Variants in SLC24A2 observed in about 807,000 individuals in gnomAD.
The protein encoded by SLC24A2 is solute carrier family 24 member 2, also known as sodium/potassium/calcium exchanger 2.
Under a neutral mutation model 62.0 loss-of-function variants are expected in SLC24A2, and 36 were observed. The observed-to-expected ratio is 0.58, with a 90% CI of 0.44 to 0.77. The LOEUF is 0.77. SLC24A2 is among the 30% of genes least tolerant of loss of function. The pLI, the probability that SLC24A2 is intolerant of heterozygous loss-of-function variation, is 0.00. For missense variants in SLC24A2, 846 were observed against 817.9 expected (o/e 1.03, Z -0.42); for synonymous variants, 358 against 294.0 (o/e 1.22, Z -2.23).
chr9:20,238,384 G>A, the SLC24A2 span, among the ~76,000 whole-genome samples: 1 of 152,174 alleles, frequency 6.6e-6, no homozygotes, highest in Non-Finnish European at 1.5e-5. Flanking sequence ...GCCATCTGCA[G>A]CAACATTTAA....
chr9:19,756,333 A>C (rs1822139645), intron 2 of SLC24A2, among the ~76,000 whole-genome samples: 1 of 152,226 alleles, frequency 6.6e-6, no homozygotes, highest in Non-Finnish European at 1.5e-5. Context: ...AATGGCAAGA[A>C]AGAAAATAAA....
chr9:19,681,011 A>G (rs1002441978), intron 2 of SLC24A2, among the ~76,000 whole-genome samples: 1 of 151,954 alleles, frequency 6.6e-6, no homozygotes. Context: ...CTTGTTCTCA[A>G]CACAGCAGCC....
chr9:19,942,840 G>A, the SLC24A2 span, among the ~76,000 whole-genome samples: 4 of 152,128 alleles, frequency 2.6e-5, no homozygotes. Context: ...GATGTTTATT[G>A]TGTAGCCTAC....
In SLC24A2 at chr9:19,603,723, C is replaced by T. The variant is rs771032818; in HGVS notation, c.1079-6444G>A. Among the ~76,000 whole-genome samples the T allele has an allele frequency of 3.9e-5, 6 of 152,302 alleles. 1 individual carries two copies. In the South Asian group the frequency reaches 1.2e-3, roughly 32 times the overall value. ...CTTACCACCTGTCTACCCCCAGCAC[C>T]TTTCACCTATCTTTCTCATCATTAT... On this transcript the variant is annotated intron_variant, in intron 4 of 10. Coordinates refer to ENST00000341998, the MANE Select transcript of SLC24A2 (RefSeq NM_020344.4).
At chr9:20,227,784 G>A in the SLC24A2 span, among the ~76,000 whole-genome samples, 3 of 152,092 alleles carry the variant, frequency 2.0e-5, no homozygotes, top group African/African-American at 7.2e-5. Flanking sequence ...TGTCTATTGG[G>A]ATAATTGCCA....
intron 8 of SLC24A2, among the ~76,000 whole-genome samples, chr9:19,549,170 T>C (rs1342704084): frequency 6.6e-6 from 1 of 152,188 alleles, no homozygotes; most frequent in Non-Finnish European, 1.5e-5. Flanking sequence ...ATAGTAAACA[T>C]AGTCGATTAA....
chr9:19,943,054 T>C, the SLC24A2 span, among the ~76,000 whole-genome samples: 1,666 of 152,252 alleles, frequency 0.011, 25 homozygotes, highest in African/African-American at 0.038. Flanking sequence ...TCTTAGAATA[T>C]TAAAAAATAA....
At chr9:20,064,302 G>C in the SLC24A2 span, among the ~76,000 whole-genome samples, 1 of 152,190 alleles carries the variant, frequency 6.6e-6, no homozygotes, top group African/African-American at 2.4e-5. Flanking sequence ...ATCAATGGTT[G>C]CTGGGGCTGG....
the SLC24A2 span, among the ~76,000 whole-genome samples, chr9:20,004,797 C>A: frequency 2.0e-5 from 3 of 146,610 alleles, no homozygotes; most frequent in African/African-American, 7.6e-5. Context: ...CAACAATGTG[C>A]TGTGAAGATG....
chr9:19,520,274 A>C (rs977833488), intron 10 of SLC24A2, among the ~76,000 whole-genome samples: 6 of 152,208 alleles, frequency 3.9e-5, no homozygotes, highest in Admixed American at 3.3e-4. Flanking sequence ...TTGACAAGTT[A>C]AATAAAATGG....
At chr9:20,092,880 A>G in the SLC24A2 span, among the ~76,000 whole-genome samples, 11 of 152,260 alleles carry the variant, frequency 7.2e-5, no homozygotes, top group South Asian at 2.3e-3. Flanking sequence ...TAGAAGAAGA[A>G]AGTAGAATGA....
chr9:19,820,040 TACATATATATATATACAC>T, the SLC24A2 span, among the ~76,000 whole-genome samples: 5 of 21,074 alleles, frequency 2.4e-4, no homozygotes, highest in Non-Finnish European at 4.9e-4. Context: ...TATATATATA[TACATATATATATATACAC>T]ATATATATAT....
At chr9:20,017,092 G>A in the SLC24A2 span, among the ~76,000 whole-genome samples, 1 of 152,002 alleles carries the variant, frequency 6.6e-6, no homozygotes. Context: ...GCATGATCTT[G>A]GCTCACTGCA....
chr9:19,697,415 G>A (rs1200119973), intron 2 of SLC24A2, among the ~76,000 whole-genome samples: 4 of 151,992 alleles, frequency 2.6e-5, no homozygotes, highest in Non-Finnish European at 5.9e-5. Context: ...TGCACATTCG[G>A]CATATGTACC....
chr9:19,666,677 A>G (rs535268435), intron 2 of SLC24A2, among the ~76,000 whole-genome samples: 1 of 152,304 alleles, frequency 6.6e-6, no homozygotes, highest in Non-Finnish European at 1.5e-5. Flanking sequence ...TGTACTGGTA[A>G]CAAAATAGCA....
At chr9:20,275,466 G>A in the SLC24A2 span, among the ~76,000 whole-genome samples, 1 of 152,156 alleles carries the variant, frequency 6.6e-6, no homozygotes, top group African/African-American at 2.4e-5. Flanking sequence ...ATCTACCTCT[G>A]CTCAGCTAGT....
At chr9:19,843,270 G>A in the SLC24A2 span, among the ~76,000 whole-genome samples, 1 of 152,224 alleles carries the variant, frequency 6.6e-6, no homozygotes, top group African/African-American at 2.4e-5. Context: ...GGGAGGCCAA[G>A]GTGGGTGGAT....
At chr9:19,933,749 G>T in the SLC24A2 span, among the ~76,000 whole-genome samples, 1 of 152,148 alleles carries the variant, frequency 6.6e-6, no homozygotes, top group African/African-American at 2.4e-5. Flanking sequence ...ATGGATAAAC[G>T]AAATGTGGTA....
intron 2 of SLC24A2, among the ~76,000 whole-genome samples, chr9:19,711,021 A>G (rs1464481767): frequency 6.6e-6 from 1 of 152,230 alleles, no homozygotes; most frequent in Non-Finnish European, 1.5e-5. Flanking sequence ...CAGGCCAAGG[A>G]AAGATTAACC....
Sources: allele counts gnomAD v4.1 joint callset (sites outside exome capture counted in the v4.1 genomes callset), GRCh38; gene constraint gnomAD v4.1.1; transcripts MANE v1.5; gene names NCBI Gene and HGNC (gene_info 2026-07-23, HGNC 2026-07-21).